PAXIP1: variants seen among roughly 807,000 people sequenced by gnomAD.
PAXIP1 encodes PAX interacting protein 1, also known as PAX-interacting protein 1.
A neutral mutation model predicts 140.6 loss-of-function variants in PAXIP1; 19 were observed. That is an observed-to-expected ratio of 0.14 (90% CI 0.09 to 0.20). The LOEUF (loss-of-function observed/expected upper bound fraction) is 0.20. Ranked by LOEUF, PAXIP1 falls within the 10% of genes least tolerant of loss-of-function variation. The pLI is 1.00. For synonymous variants in PAXIP1, 442 were observed against 444.6 expected (o/e 0.99, Z 0.07); for missense variants, 920 against 1,208.6 (o/e 0.76, Z 3.54).
chr7:154,999,003 C>T (rs1220984646), intron 1 of PAXIP1, among the ~76,000 whole-genome samples: 6 of 152,184 alleles, frequency 3.9e-5, no homozygotes, highest in East Asian at 1.9e-4. Context: ...AGTCAATGAC[C>T]AAGTAATGGA....
intron 8 of PAXIP1, among the ~76,000 whole-genome samples, chr7:154,967,079 A>C (rs1809059872): frequency 6.6e-6 from 1 of 152,174 alleles, no homozygotes; most frequent in African/African-American, 2.4e-5. Flanking sequence ...GTCCTTTCTC[A>C]GGCTCTCACA....
At chr7:154,982,836 C>T (rs566057679) in intron 5 of PAXIP1, among the ~76,000 whole-genome samples, 1 of 151,944 alleles carries the variant, frequency 6.6e-6, no homozygotes. Context: ...AAAATTTCAC[C>T]ACACACGTTT....
At chr7:154,992,824 C>A (rs933043263) in intron 3 of PAXIP1, among the ~76,000 whole-genome samples, 2 of 152,128 alleles carry the variant, frequency 1.3e-5, no homozygotes, top group African/African-American at 2.4e-5. Flanking sequence ...ACACATCCTC[C>A]AAGAAGAACT....
rs1386362677 is a variant in PAXIP1, at chr7:154,954,355, T to G, written c.2721A>C (p.Lys907Asn). The G allele has an allele frequency of 3.7e-5, 60 of 1,609,254 alleles. No individual in the cohort carries two copies. Among genetic ancestry groups the G allele is most frequent in the Non-Finnish European group, 4.9e-5 (58 of 1,176,574 alleles). The change falls in exon 16 of 21, where the codon AAA becomes AAC. Residue 907 changes from lysine to asparagine, a missense_variant. This residue lies in a region of PAXIP1 where 303 missense variants were observed against 517.9 expected (regional missense o/e 0.59). Transcript: ENST00000404141. The surrounding 1 kb of genome is among the most constrained non-coding windows in gnomAD (Gnocchi z 5.1). The stretch of plus-strand genomic sequence containing the variant: ...TCAGGAACTTCACGGTGCGAGTCAC[T>G]TTGCTGGCAATGAGGTGTGTGCACT... ...AQKCTHLIAS[K>N]VTRTVKFLTA...
In PAXIP1 at chr7:154,973,794, C is replaced by T. The variant is rs1413969746; in HGVS notation, c.1074+1902G>A. Among the ~76,000 whole-genome samples, 1 of 152,224 alleles carries T rather than the reference C, an allele frequency of 6.6e-6. No homozygotes were observed. The highest frequency in any genetic ancestry group is 1.5e-5 in the Non-Finnish European group (1 of 68,046). On this transcript the variant is annotated intron_variant, in intron 6 of 20. Transcript: ENST00000404141. The surrounding 1 kb of genome is among the most constrained non-coding windows in gnomAD (Gnocchi z 4.0). Reference sequence around the variant, plus strand: ...ACTTCATCAACATCAAGCCTTTCCACTGAAAGTGGATGTGGAGAATACTGG... The same window carrying T: ...ACTTCATCAACATCAAGCCTTTCCATTGAAAGTGGATGTGGAGAATACTGG...
chr7:154,961,331 A>G (rs1312528425), intron 11 of PAXIP1, among the ~76,000 whole-genome samples, 196 bp downstream of exon 11: 1 of 152,226 alleles, frequency 6.6e-6, no homozygotes, highest in African/African-American at 2.4e-5. Context: ...TCATTAGTTC[A>G]TCTAATTTCA....
chr7:154,957,961 G>A (rs1317413694), intron 13 of PAXIP1, among the ~76,000 whole-genome samples: 5 of 120,390 alleles, frequency 4.2e-5, no homozygotes, highest in Non-Finnish European at 6.6e-5. Flanking sequence ...GCGACAGAGC[G>A]AGACTCCGTC....
intron 4 of PAXIP1, among the ~76,000 whole-genome samples, chr7:154,987,566 G>T (rs1037175475): frequency 2.0e-5 from 3 of 152,100 alleles, no homozygotes; most frequent in African/African-American, 7.2e-5. Context: ...TGCCACAGCA[G>T]CTCCAAGTTC....
At chr7:154,955,668 A>T in intron 14 of PAXIP1, 37 bp from the exon 15 acceptor site, 1 of 1,128,482 alleles carries the variant, frequency 8.9e-7, no homozygotes, top group Non-Finnish European at 1.3e-6. Flanking sequence ...TAGTGATTTC[A>T]TATTTACTTA....
At chr7:154,958,442 T>C (rs1808624465) in intron 13 of PAXIP1, among the ~76,000 whole-genome samples, 2 of 152,366 alleles carry the variant, frequency 1.3e-5, no homozygotes, top group South Asian at 2.1e-4. Flanking sequence ...TTCTAAATAT[T>C]GCTGCCATAT....
At position 154,986,268 on chromosome 7, in the gene PAXIP1, G is replaced by C; in HGVS notation, c.325-2936C>G. ...GGTCCTGCCTGGCGTGTGCATGTGA[G>C]TGTGTGTGCGCATGGGTGCTCCAGT... is the stretch of plus-strand genomic sequence containing the variant. On this transcript the variant is annotated intron_variant, in intron 4 of 20. Transcript: ENST00000404141. The surrounding 1 kb of genome is among the most constrained non-coding windows in gnomAD (Gnocchi z 4.8). 1.1e-6 allele frequency: 1 copy of C among 909,322 alleles called. No homozygotes were observed. The highest frequency in any genetic ancestry group is 1.7e-5 in the African/African-American group (1 of 57,512). The allele number at this position is 909,322 out of a possible 1,614,324, so 56.3% of individuals were successfully genotyped here.
At chr7:154,951,282 G>A (rs1404445718) in intron 16 of PAXIP1, 2 of 152,272 alleles carry the variant, frequency 1.3e-5, no homozygotes, top group African/African-American at 4.8e-5. Context: ...AAGCCCTAAT[G>A]TAACTATGGA....
Position 154,956,106 on chromosome 7 carries a change from GTC to G in PAXIP1, c.2550-477_2550-476del, listed in dbSNP as rs1252129809. On this transcript the variant is annotated intron_variant, in intron 14 of 20. Transcript: ENST00000404141. The surrounding 1 kb of genome is among the most constrained non-coding windows in gnomAD (Gnocchi z 4.2). Reference sequence around the variant, plus strand: ...GACGAGTGTCGCTAGAGCTTCCAGTGTCTTTCACATTCTAGCCCTCTTCAACC... The same window carrying G: ...GACGAGTGTCGCTAGAGCTTCCAGTGTTTCACATTCTAGCCCTCTTCAACC... Among the ~76,000 whole-genome samples the G allele has an allele frequency of 6.6e-5, 10 of 152,202 alleles. No homozygotes were observed. Among genetic ancestry groups the G allele is most frequent in the Non-Finnish European group, 1.0e-4 (7 of 68,036 alleles).
At position 154,967,948 on chromosome 7, in the gene PAXIP1, C is replaced by T. The variant is rs559285977; in HGVS notation, c.1799-38G>A. On this transcript the variant is annotated intron_variant, in intron 7 of 20. Coordinates refer to ENST00000404141, the MANE Select transcript of PAXIP1 (RefSeq NM_007349.4). ...TACATAAGAAAAAGAAAATTAAAAC[C>T]CTATGAATATGCTTGCACAAAAGTT... The T allele has an allele frequency of 9.7e-6, 14 of 1,437,066 alleles. No individual in the cohort carries two copies. The South Asian group carries it at 1.3e-4, about 13-fold the overall frequency. The allele number at this position is 1,437,066 out of a possible 1,614,324, so 89.0% of individuals were successfully genotyped here.
intron 6 of PAXIP1, among the ~76,000 whole-genome samples, chr7:154,971,328 T>C (rs1311383262): frequency 6.6e-6 from 1 of 152,042 alleles, no homozygotes; most frequent in Non-Finnish European, 1.5e-5. Flanking sequence ...TTAAGATGGG[T>C]CTTCATCCAC....
rs551367509 is a variant in PAXIP1 at position 154,995,679 on chromosome 7, G to A, written c.217-1910C>T. 2.3e-4 allele frequency among the ~76,000 whole-genome samples: 35 copies of A among 152,168 alleles called. 1 individual carries two copies. In the South Asian group the frequency reaches 2.9e-3, roughly 13 times the overall value. On this transcript the variant is annotated intron_variant, in intron 2 of 20. Coordinates refer to ENST00000404141, the MANE Select transcript of PAXIP1 (RefSeq NM_007349.4). Reference sequence around the variant, plus strand: ...AGCCTGGCCAACATGGTGAAACCCCGTCTCTACTAAAAACACAAAAGTTAG... The same window carrying A: ...AGCCTGGCCAACATGGTGAAACCCCATCTCTACTAAAAACACAAAAGTTAG...
chr7:155,003,055 G>T lies in PAXIP1; in HGVS notation c.-126C>A. 4.1e-6 allele frequency: 1 copy of T among 245,616 alleles called. No individual in the cohort carries two copies. Among genetic ancestry groups the T allele is most frequent in the South Asian group, 1.4e-4 (1 of 7,396 alleles). 15.2% of individuals were successfully genotyped at this position (245,616 alleles called of 1,614,324 possible). On this transcript the variant is annotated 5_prime_UTR_variant, in exon 1 of 21. Coordinates refer to ENST00000404141, the MANE Select transcript of PAXIP1 (RefSeq NM_007349.4). ...GCCCTGCCCGCGCAGCCCGGGCCCGGTCCTGCGAATCGGGGTCCGCTCCCC... is the reference window on the plus strand; with the variant it reads ...GCCCTGCCCGCGCAGCCCGGGCCCGTTCCTGCGAATCGGGGTCCGCTCCCC...
chr7:154,955,677 T>C, intron 14 of PAXIP1, 46 bp from the exon 15 acceptor site: 1 of 1,077,058 alleles, frequency 9.3e-7, no homozygotes, highest in Non-Finnish European at 1.3e-6. Flanking sequence ...CATATTTACT[T>C]ACAATGAAAA....
rs1161735400 is a variant in PAXIP1 at position 154,986,683 on chromosome 7, T to C, written c.325-3351A>G. Among the ~76,000 whole-genome samples, 1 of 152,220 alleles carries C rather than the reference T, an allele frequency of 6.6e-6. No individual in the cohort carries two copies. Among genetic ancestry groups the C allele is most frequent in the African/African-American group, 2.4e-5 (1 of 41,448 alleles). On this transcript the variant is annotated intron_variant, in intron 4 of 20. Transcript: ENST00000404141. The surrounding 1 kb of genome is among the most constrained non-coding windows in gnomAD (Gnocchi z 4.8). ...AATTTCCAGGGTTTCTTCATAGAAG[T>C]GACTATTAAAGTCTTCCCCATCCCT...
Sources: allele counts gnomAD v4.1 joint callset (sites outside exome capture counted in the v4.1 genomes callset), GRCh38; gene constraint gnomAD v4.1.1; regional missense constraint gnomAD v4.1.1; non-coding constraint Gnocchi (gnomAD v3.1); transcripts MANE v1.5; gene names NCBI Gene and HGNC (gene_info 2026-07-23, HGNC 2026-07-21).